Variants in ZC3H7A observed in about 807,000 individuals in gnomAD.
The protein encoded by ZC3H7A is zinc finger CCCH-type containing 7A, also known as zinc finger CCCH domain-containing protein 7A.
In ZC3H7A, 44 loss-of-function variants were observed where a neutral mutation model predicts 125.5. The observed-to-expected ratio is 0.35, with a 90% CI of 0.28 to 0.45. The LOEUF (loss-of-function observed/expected upper bound fraction) is 0.45, where lower values mean the gene tolerates loss of function less well. ZC3H7A is among the 20% of genes least tolerant of loss of function. ZC3H7A has a pLI of 1.00. For missense variants in ZC3H7A, 977 were observed against 1,170.7 expected, an observed-to-expected ratio of 0.83 and a Z score of 2.41; for synonymous variants, 399 against 391.2, an observed-to-expected ratio of 1.02 and a Z score of -0.23.
At chr16:11,788,871 C>A (rs1029437599) in intron 1 of ZC3H7A, among the ~76,000 whole-genome samples, 9 of 152,264 alleles carry the variant, frequency 5.9e-5, no homozygotes, top group Admixed American at 5.9e-4. Flanking sequence ...CTCAGCCTCC[C>A]AAAGTGCTGG....
chr16:11,751,567 A>G (rs1046204133), intron 22 of ZC3H7A, 61 bp from the exon 23 acceptor site: 2 of 1,525,336 alleles, frequency 1.3e-6, no homozygotes, highest in Non-Finnish European at 1.8e-6. Context: ...TCGTGTCATG[A>G]TTCTTGAAAC....
intron 9 of ZC3H7A, among the ~76,000 whole-genome samples, chr16:11,771,924 G>A (rs1309715045): frequency 1.3e-5 from 2 of 152,054 alleles, no homozygotes; most frequent in Admixed American, 1.3e-4. Context: ...GCTGGGCATG[G>A]TGGCTCACAC....
intron 1 of ZC3H7A, among the ~76,000 whole-genome samples, chr16:11,790,079 C>CAAAAAAAAAAAAAA (rs150579733): frequency 1.4e-5 from 1 of 73,550 alleles, no homozygotes; most frequent in Non-Finnish European, 2.7e-5. Context: ...GACTCCATCT[C>CAAAAAAAAAAAAAA]AAAAAAAAAA....
At chr16:11,767,285 G>C in intron 13 of ZC3H7A, 132 bp downstream of exon 13, 1 of 742,682 alleles carries the variant, frequency 1.3e-6, no homozygotes, top group Non-Finnish European at 2.0e-6. Flanking sequence ...CTACACCATC[G>C]AGGTTTGTGT....
At chr16:11,758,728 T>C (rs545689841) in intron 19 of ZC3H7A, 189 bp from the exon 20 acceptor site, 2 of 532,152 alleles carry the variant, frequency 3.8e-6, no homozygotes, top group Non-Finnish European at 6.5e-6. Context: ...TTAAGGTTTC[T>C]ATCTCAAAAT....
rs752699283 is a variant in ZC3H7A, at chr16:11,769,203, C to T, written c.1109-108G>A. The T allele has an allele frequency of 3.3e-6, 3 of 915,238 alleles. No homozygotes were observed. The African/African-American group carries it at 5.2e-5, about 16-fold the overall frequency. 56.7% of individuals were successfully genotyped at this position (915,238 alleles called of 1,614,324 possible). On this transcript the variant is annotated intron_variant, in intron 10 of 22. Coordinates refer to ENST00000355758, the MANE Select transcript of ZC3H7A (RefSeq NM_014153.4). ...TGGCCTCCCACGCTATTCTCCCGTCCCAGTTTCTAGAAATTTTCTTGCTCA... is the reference window on the plus strand; with the variant it reads ...TGGCCTCCCACGCTATTCTCCCGTCTCAGTTTCTAGAAATTTTCTTGCTCA...
intron 19 of ZC3H7A, chr16:11,759,740 A>C (rs897459035): frequency 6.6e-6 from 1 of 152,304 alleles, no homozygotes; most frequent in Non-Finnish European, 1.5e-5. Context: ...CTTCTGGCAG[A>C]CTTTGAAGCC....
In ZC3H7A at chr16:11,765,141, G is replaced by A; in HGVS notation, c.1732C>T (p.His578Tyr). ...FIFLCEKCFD[H>Y]KPRMISKRNK... ...CTTTTACTTATCATTCTAGGCTTAT[G>A]ATCAAAACATTTCTGGAATAGAGAG... Residue 578 changes from histidine to tyrosine, a missense_variant, in exon 15 of 23, where the codon CAT becomes TAT. His to Tyr is a moderately conservative substitution (Grantham distance 83). Coordinates refer to ENST00000355758, the MANE Select transcript of ZC3H7A (RefSeq NM_014153.4). This position sits in a 1 kb window ranked among gnomAD's most constrained non-coding sequence, Gnocchi z 4.8. 2 of 1,541,868 alleles carry A rather than the reference G, an allele frequency of 1.3e-6. No homozygotes were observed. The highest frequency in any genetic ancestry group is 1.8e-6 in the Non-Finnish European group (2 of 1,142,140).
chr16:11,751,278 C>G lies in ZC3H7A; in HGVS notation c.*39G>C. 2 of 1,561,884 alleles carry G rather than the reference C, an allele frequency of 1.3e-6. No homozygotes were observed. The highest frequency in any genetic ancestry group is 1.2e-5 in the South Asian group (1 of 82,888). ...TCAGAACACTTTCAATTTTTCTGGTCAATGCTCTGATTAGGTATCATACAT... is the reference window on the plus strand; with the variant it reads ...TCAGAACACTTTCAATTTTTCTGGTGAATGCTCTGATTAGGTATCATACAT... On this transcript the variant is annotated 3_prime_UTR_variant, in exon 23 of 23. Coordinates refer to ENST00000355758, the MANE Select transcript of ZC3H7A (RefSeq NM_014153.4).
At chr16:11,761,842 G>T in intron 18 of ZC3H7A, 68 bp downstream of exon 18, 1 of 1,577,040 alleles carries the variant, frequency 6.3e-7, no homozygotes, top group Non-Finnish European at 8.6e-7. Flanking sequence ...TTTTGCTTAT[G>T]TGTATAATTT....
Position 11,768,517 on chromosome 16 carries a change from G to GAAC in ZC3H7A, c.1174-17_1174-16insGTT. On this transcript the variant is annotated splice_polypyrimidine_tract_variant and intron_variant, in intron 11 of 22. Transcript: ENST00000355758. ...GTCCATTCATCTGCAAGAAAAATAA[G>GAAC]AAGAAAAAAAAAAAAAACAGCCAAC... The GAAC allele has an allele frequency of 3.8e-6, 4 of 1,048,722 alleles. No homozygotes were observed. The highest frequency in any genetic ancestry group is 6.7e-5 in the African/African-American group (2 of 29,778). The allele number at this position is 1,048,722 out of a possible 1,614,324, so 65.0% of individuals were successfully genotyped here. A position where few individuals can be genotyped will look rare whatever the true frequency, so the allele number is the denominator to read the frequency against.
chr16:11,767,349 T>G, intron 13 of ZC3H7A, 68 bp downstream of exon 13: 1 of 1,228,722 alleles, frequency 8.1e-7, no homozygotes, highest in African/African-American at 1.5e-5. Context: ...TATCCTGTCA[T>G]TAAGCTAAGC....
chr16:11,769,001 T>C, intron 11 of ZC3H7A, 30 bp downstream of exon 11: 1 of 1,575,304 alleles, frequency 6.3e-7, no homozygotes, highest in East Asian at 2.3e-5. Flanking sequence ...ATTCAAGCGA[T>C]GTATTTACAA....
chr16:11,759,165 A>G (rs2052700469), intron 19 of ZC3H7A: 1 of 152,272 alleles, frequency 6.6e-6, no homozygotes, highest in Admixed American at 6.5e-5. Flanking sequence ...AGGAAAATAA[A>G]GTGATCGTGA....
intron 1 of ZC3H7A, among the ~76,000 whole-genome samples, chr16:11,794,570 TC>T (rs1181814342): frequency 6.6e-6 from 1 of 152,158 alleles, no homozygotes; most frequent in Non-Finnish European, 1.5e-5. Flanking sequence ...ACAGAACACT[TC>T]CAGACGTTAT....
In ZC3H7A at chr16:11,751,525, T is replaced by TG. The variant is rs2052552827; in HGVS notation, c.2727-20dup. 6.2e-7 allele frequency: 1 copy of TG among 1,604,232 alleles called. No homozygotes were observed. The highest frequency in any genetic ancestry group is 1.3e-5 in the African/African-American group (1 of 74,278). On this transcript the variant is annotated intron_variant, in intron 22 of 22. Coordinates refer to ENST00000355758, the MANE Select transcript of ZC3H7A (RefSeq NM_014153.4). ...CATATACCTGTAAGGAGAAGTCAGC[T>TG]GCTCAGTGTCCATATAAGTTGTTTC...
chr16:11,782,600 T>TA (rs1491386149), intron 1 of ZC3H7A: 20 of 299,428 alleles, frequency 6.7e-5, no homozygotes, highest in Non-Finnish European at 8.6e-5. Context: ...GTTTTCATAT[T>TA]CTTTTTTTTT....
intron 17 of ZC3H7A, 67 bp downstream of exon 17, chr16:11,762,604 C>T: frequency 6.8e-7 from 1 of 1,471,122 alleles, no homozygotes; most frequent in Non-Finnish European, 9.5e-7. Flanking sequence ...CATCCACCAA[C>T]AACCAACATC....
At chr16:11,770,631 T>C (rs1379023301) in intron 10 of ZC3H7A, 152 bp downstream of exon 10, 1 of 810,534 alleles carries the variant, frequency 1.2e-6, no homozygotes, top group Admixed American at 3.1e-5. Context: ...TCAAGGTAAA[T>C]TCAAAACTGA....
Sources: gnomAD v4.1 joint callset for allele counts (sites outside exome capture counted in the v4.1 genomes callset) on GRCh38, gnomAD v4.1.1 for gene constraint, Gnocchi (gnomAD v3.1) non-coding constraint, MANE v1.5 for transcripts, NCBI Gene and HGNC (gene_info 2026-07-23, HGNC 2026-07-21) for gene names.